Variants in FALEC observed in about 807,000 individuals in gnomAD.
FALEC encodes focally amplified lncRNA regulator of ECM1, also known as focally amplified lncRNA on chromosome 1.
downstream of FALEC, among the ~76,000 whole-genome samples, chr1:150,522,891 A>ATATATACATATATATATACG (rs1560270682): frequency 1.4e-5 from 1 of 72,338 alleles, no homozygotes; most frequent in Non-Finnish European, 3.0e-5. Flanking sequence ...ATATATACGT[A>ATATATACATATATATATACG]TATATATATA....
At chr1:150,519,584 C>T (rs1156516755), downstream of FALEC, among the ~76,000 whole-genome samples, 4 of 151,812 alleles carry the variant, frequency 2.6e-5, no homozygotes, top group African/African-American at 4.8e-5. Flanking sequence ...GGGCCAGGCA[C>T]GGTGGCTCAC....
At chr1:150,522,244 C>CA (rs60709164), downstream of FALEC, among the ~76,000 whole-genome samples, 7,776 of 118,896 alleles carry the variant, frequency 0.065, 517 homozygotes, top group African/African-American at 0.18. Flanking sequence ...GAGACTGTCT[C>CA]AAAAAAAAAA....
downstream of FALEC, among the ~76,000 whole-genome samples, chr1:150,522,878 T>TATATATACATATATATAC (rs1553907913): frequency 4.3e-5 from 4 of 92,954 alleles, no homozygotes; most frequent in Non-Finnish European, 4.4e-5. Context: ...TATATATACA[T>TATATATACATATATATAC]ATATATATAC....
the FALEC span, among the ~76,000 whole-genome samples, chr1:150,530,572 A>C: frequency 1.2e-4 from 18 of 152,082 alleles, no homozygotes; most frequent in Non-Finnish European, 2.2e-4. Context: ...CCAGGGCCCA[A>C]ATTCAGGCTC....
chr1:150,518,378 GTC>G (rs199657165), downstream of FALEC, among the ~76,000 whole-genome samples: 110 of 134,980 alleles, frequency 8.1e-4, 1 homozygote, highest in Non-Finnish European at 1.1e-3. Flanking sequence ...CAGTCGCCAA[GTC>G]TCTCTCTTTT....
chr1:150,517,296 C>CAAAAA (rs34702640), intron 1 of FALEC, among the ~76,000 whole-genome samples: 2 of 93,228 alleles, frequency 2.1e-5, no homozygotes, highest in Non-Finnish European at 2.1e-5. Flanking sequence ...GACTCCGTCT[C>CAAAAA]AAAAAAAAAA....
chr1:150,530,134 C>G, the FALEC span, among the ~76,000 whole-genome samples: 2 of 152,144 alleles, frequency 1.3e-5, no homozygotes, highest in Non-Finnish European at 2.9e-5. Context: ...GGGGCCTGGA[C>G]TGCACCACCT....
At chr1:150,533,684 G>C in the FALEC span, among the ~76,000 whole-genome samples, 1 of 151,966 alleles carries the variant, frequency 6.6e-6, no homozygotes, top group Non-Finnish European at 1.5e-5. Flanking sequence ...TGATCCACCA[G>C]CCTCATCTTC....
chr1:150,529,016 C>CAAAAAAAAAAGA, the FALEC span, among the ~76,000 whole-genome samples: 2 of 59,288 alleles, frequency 3.4e-5, no homozygotes, highest in East Asian at 4.2e-4. Flanking sequence ...AAATAAATAG[C>CAAAAAAAAAAGA]AAAAAAAAAA....
downstream of FALEC, among the ~76,000 whole-genome samples, chr1:150,518,225 C>T (rs1465287203): frequency 1.3e-5 from 2 of 152,054 alleles, no homozygotes; most frequent in Non-Finnish European, 2.9e-5. Context: ...TCCTCTTTAC[C>T]CTCCAACTAT....
chr1:150,529,851 C>T, the FALEC span, among the ~76,000 whole-genome samples: 1 of 152,188 alleles, frequency 6.6e-6, no homozygotes, highest in Non-Finnish European at 1.5e-5. Context: ...CCCACCTCAG[C>T]CTCCCAAAGT....
At chr1:150,525,016 G>T in the FALEC span, among the ~76,000 whole-genome samples, 3 of 139,162 alleles carry the variant, frequency 2.2e-5, no homozygotes, top group Non-Finnish European at 3.1e-5. Flanking sequence ...AAAAAAAAAG[G>T]CCTGGTGCAG....
downstream of FALEC, among the ~76,000 whole-genome samples, chr1:150,520,299 C>T (rs980706409): frequency 1.3e-5 from 2 of 152,178 alleles, no homozygotes; most frequent in African/African-American, 4.8e-5. Context: ...CAAACAGAAG[C>T]TCTGTAACCA....
the FALEC span, among the ~76,000 whole-genome samples, chr1:150,534,239 C>T: frequency 1.3e-5 from 2 of 152,194 alleles, no homozygotes; most frequent in Non-Finnish European, 2.9e-5. Context: ...CCCAAGGAGG[C>T]TGCAGCTGCC....
chr1:150,532,421 G>A, the FALEC span, among the ~76,000 whole-genome samples: 2 of 152,160 alleles, frequency 1.3e-5, no homozygotes, highest in African/African-American at 4.8e-5. Flanking sequence ...AATTGACTCA[G>A]ATGAAATACC....
downstream of FALEC, among the ~76,000 whole-genome samples, chr1:150,521,422 A>T (rs768235988): frequency 6.6e-6 from 1 of 152,170 alleles, no homozygotes; most frequent in African/African-American, 2.4e-5. Context: ...TTGTGGTGCA[A>T]TGGTACCTCA....
At chr1:150,518,445 C>A (rs892793666), downstream of FALEC, among the ~76,000 whole-genome samples, 3 of 150,568 alleles carry the variant, frequency 2.0e-5, no homozygotes, top group Non-Finnish European at 2.9e-5. Context: ...AGTGCAATGG[C>A]GTGATCTCGG....
At chr1:150,518,462 G>A (rs587665919), downstream of FALEC, among the ~76,000 whole-genome samples, 9 of 150,192 alleles carry the variant, frequency 6.0e-5, no homozygotes, top group African/African-American at 1.5e-4. Flanking sequence ...TCGGCTCACC[G>A]CAACCTGTGC....
At chr1:150,522,971 A>ATTTT (rs1560270847), downstream of FALEC, among the ~76,000 whole-genome samples, 11 of 31,560 alleles carry the variant, frequency 3.5e-4, no homozygotes, top group East Asian at 1.4e-3. Flanking sequence ...ATATATATAT[A>ATTTT]TATATATATA....
Sources: allele counts gnomAD v4.1 joint callset (sites outside exome capture counted in the v4.1 genomes callset), GRCh38; gene constraint gnomAD v4.1.1; transcripts MANE v1.5; gene names NCBI Gene and HGNC (gene_info 2026-07-23, HGNC 2026-07-21).